Variants in OPRM1 observed in about 807,000 individuals in gnomAD.
The protein encoded by OPRM1 is opioid receptor mu 1.
OPRM1 carries 27 observed loss-of-function variants against 31.8 expected under a neutral mutation model. The ratio of observed to expected loss-of-function variants is 0.85; its 90% CI spans 0.63 to 1.17. The LOEUF (loss-of-function observed/expected upper bound fraction) is 1.17, where lower values mean the gene tolerates loss of function less well. Ranked by LOEUF, OPRM1 falls within the 50% of genes most tolerant of loss-of-function variation. The pLI, the probability that OPRM1 is intolerant of heterozygous loss-of-function variation, is 0.00. For missense variants in OPRM1, 536 were observed against 511.1 expected (o/e 1.05, Z -0.47); for synonymous variants, 196 against 189.9 (o/e 1.03, Z -0.26).
chr6:154,121,913 AATG>A lies in OPRM1; in HGVS notation c.*3195_*3197del, dbSNP rs1452150136. Among the ~76,000 whole-genome samples, 1 of 152,212 alleles carries A rather than the reference AATG, an allele frequency of 6.6e-6. No homozygotes were observed. On this transcript the variant is annotated 3_prime_UTR_variant, in exon 4 of 4. Transcript: ENST00000330432. ...TAAATGTTTTATCTAAATATGTGGA[AATG>A]ATAAGATGCGTACTGCATCTCTCAT...
intron 1 of OPRM1, among the ~76,000 whole-genome samples, chr6:154,070,595 T>A (rs1017053582): frequency 1.3e-5 from 2 of 152,212 alleles, no homozygotes; most frequent in African/African-American, 4.8e-5. Context: ...CATTATTATT[T>A]AATTTGTTTT....
intron 3 of OPRM1, among the ~76,000 whole-genome samples, chr6:154,171,174 G>A (rs534805210): frequency 2.9e-4 from 44 of 152,248 alleles, no homozygotes; most frequent in African/African-American, 9.6e-4. Context: ...GAATGTTCAC[G>A]GCAGCATTAT....
chr6:154,033,734 A>T (rs1779135184), intron 1 of OPRM1, among the ~76,000 whole-genome samples: 1 of 152,222 alleles, frequency 6.6e-6, no homozygotes, highest in African/African-American at 2.4e-5. Context: ...AAAGAAGCTG[A>T]GACATTTTTA....
intron 3 of OPRM1, among the ~76,000 whole-genome samples, chr6:154,215,434 T>C (rs1160868818): frequency 6.6e-6 from 1 of 151,904 alleles, no homozygotes; most frequent in African/African-American, 2.4e-5. Context: ...AGAAACCCCG[T>C]CACTACTTAA....
chr6:154,066,557 G>A lies in OPRM1; in HGVS notation c.291-23269G>A, dbSNP rs370957664. Among the ~76,000 whole-genome samples, 39 of 150,400 alleles carry A rather than the reference G, an allele frequency of 2.6e-4. No homozygotes were observed. The East Asian group carries it at 6.9e-3, about 27-fold the overall frequency. On this transcript the variant is annotated intron_variant, in intron 1 of 3. Coordinates refer to ENST00000330432, the MANE Select transcript of OPRM1 (RefSeq NM_000914.5). Reference sequence around the variant, plus strand: ...AATCATTTGTTGAAACCCTAACTTTGATGTGACTGTAATTGGAGGTAAGGC... The same window carrying A: ...AATCATTTGTTGAAACCCTAACTTTAATGTGACTGTAATTGGAGGTAAGGC...
intron 3 of OPRM1, among the ~76,000 whole-genome samples, chr6:154,237,547 T>C (rs909294032): frequency 6.6e-6 from 1 of 152,234 alleles, no homozygotes; most frequent in African/African-American, 2.4e-5. Context: ...ATTTTTTAAA[T>C]ATTGCTTTTA....
At chr6:154,229,558 G>A (rs1226645576) in intron 3 of OPRM1, among the ~76,000 whole-genome samples, 1 of 151,612 alleles carries the variant, frequency 6.6e-6, no homozygotes, top group Non-Finnish European at 1.5e-5. Flanking sequence ...GGGGTTCGCC[G>A]TGTTAGCCAG....
intron 3 of OPRM1, among the ~76,000 whole-genome samples, chr6:154,213,830 T>C (rs900243576): frequency 2.0e-5 from 3 of 152,154 alleles, no homozygotes; most frequent in South Asian, 2.1e-4. Context: ...AGTACACACC[T>C]GGTGGAAATA....
intron 3 of OPRM1, among the ~76,000 whole-genome samples, chr6:154,210,271 G>A (rs1777859265): frequency 1.3e-5 from 2 of 152,100 alleles, no homozygotes; most frequent in South Asian, 4.1e-4. Context: ...TTATAAAACT[G>A]AAAATGCCAG....
intron 1 of OPRM1, among the ~76,000 whole-genome samples, chr6:154,029,593 T>C (rs1778891561): frequency 6.6e-6 from 1 of 152,242 alleles, no homozygotes; most frequent in Non-Finnish European, 1.5e-5. Flanking sequence ...GATATGTTAA[T>C]ATACAAGGAA....
chr6:154,059,230 G>A (rs1583286481), intron 1 of OPRM1, among the ~76,000 whole-genome samples: 4 of 152,098 alleles, frequency 2.6e-5, no homozygotes, highest in Admixed American at 6.6e-5. Context: ...CATATTAGGC[G>A]GTGACATTTT....
chr6:154,122,744 A>G lies in OPRM1; in HGVS notation c.*4023A>G, dbSNP rs536583698. Among the ~76,000 whole-genome samples the G allele has an allele frequency of 6.6e-6, 1 of 152,308 alleles. No individual in the cohort carries two copies. Among genetic ancestry groups the G allele is most frequent in the South Asian group, 2.1e-4 (1 of 4,826 alleles). ...CCTTTTGTTATGCAATATCACCCAT[A>G]TCAAATACCATTCTTAAAGCAGTAG... On this transcript the variant is annotated 3_prime_UTR_variant, in exon 4 of 4. Coordinates refer to ENST00000330432, the MANE Select transcript of OPRM1 (RefSeq NM_000914.5).
Position 154,039,579 on chromosome 6 carries a change from A to T in OPRM1, c.35A>T (p.Asn12Ile), listed in dbSNP as rs199645285. The T allele has an allele frequency of 6.2e-7, 1 of 1,613,586 alleles. No homozygotes were observed. The highest frequency in any genetic ancestry group is 2.2e-5 in the East Asian group (1 of 44,848). Residue 12 changes from asparagine to isoleucine, a missense_variant, in exon 1 of 4, where the codon AAT becomes ATT. By Grantham distance (149) the Asn-to-Ile change is moderately radical (BLOSUM62 -3). Transcript: ENST00000330432. ...AGCGCTGCCCCCACGAACGCCAGCA[A>T]TTGCACTGATGCCTTGGCGTACTCA... Reference protein sequence around the residue: ...DSSAAPTNASNCTDALAYSSC... With the variant: ...DSSAAPTNASICTDALAYSSC...
intron 3 of OPRM1, among the ~76,000 whole-genome samples, chr6:154,140,362 GCT>G (rs1798167697): frequency 6.7e-6 from 1 of 148,414 alleles, no homozygotes; most frequent in Non-Finnish European, 1.5e-5. Flanking sequence ...AAAGAGTCTC[GCT>G]CTGTCACCCA....
At chr6:154,182,393 CTT>C (rs2128570244) in intron 3 of OPRM1, among the ~76,000 whole-genome samples, 1 of 152,228 alleles carries the variant, frequency 6.6e-6, no homozygotes, top group South Asian at 2.1e-4. Flanking sequence ...ATTATTGAGT[CTT>C]GAGGCAATCG....
intron 1 of OPRM1, among the ~76,000 whole-genome samples, chr6:154,040,584 A>G (rs1779854383): frequency 6.6e-6 from 1 of 152,202 alleles, no homozygotes; most frequent in African/African-American, 2.4e-5. Flanking sequence ...TGGAATGGGT[A>G]GGTTGGTTCA....
chr6:154,083,145 C>A (rs1789559911), intron 1 of OPRM1, among the ~76,000 whole-genome samples: 1 of 152,178 alleles, frequency 6.6e-6, no homozygotes, highest in Non-Finnish European at 1.5e-5. Context: ...ATGGAAGTAT[C>A]TCTCGTTCCA....
chr6:154,039,919 T>C, intron 1 of OPRM1, 85 bp downstream of exon 1: 1 of 1,279,644 alleles, frequency 7.8e-7, no homozygotes, highest in East Asian at 2.4e-5. Flanking sequence ...GGCTCAATGT[T>C]GGGCGGGAGG....
chr6:154,017,847 G>A (rs1254145450), intron 1 of OPRM1, among the ~76,000 whole-genome samples: 1 of 151,442 alleles, frequency 6.6e-6, no homozygotes, highest in African/African-American at 2.4e-5. Context: ...TTAAGTGGAA[G>A]TGATATGTTA....
Sources: gnomAD v4.1 joint callset for allele counts (sites outside exome capture counted in the v4.1 genomes callset) on GRCh38, gnomAD v4.1.1 for gene constraint, MANE v1.5 for transcripts, NCBI Gene and HGNC (gene_info 2026-07-23, HGNC 2026-07-21) for gene names.